The following TRIM14 variants were observed in gnomAD, a reference collection of about 807,000 sequenced individuals.
TRIM14 encodes tripartite motif-containing protein 14.
In TRIM14, 28 loss-of-function variants were observed where a neutral mutation model predicts 44.5. That is an observed-to-expected ratio of 0.63 (90% CI 0.47 to 0.86). The LOEUF (loss-of-function observed/expected upper bound fraction) is 0.86. Ranked by LOEUF, TRIM14 falls within the 40% of genes least tolerant of loss-of-function variation. TRIM14 has a pLI of 0.00. For synonymous variants in TRIM14, 299 were observed against 269.2 expected (o/e 1.11, Z -1.08); for missense variants, 607 against 611.1 (o/e 0.99, Z 0.07).
intron 2 of TRIM14, among the ~76,000 whole-genome samples, chr9:98,104,095 T>C (rs1479878270): frequency 1.3e-5 from 2 of 152,264 alleles, no homozygotes; most frequent in African/African-American, 2.4e-5. Flanking sequence ...GGCCTATGGA[T>C]AGGTTCAGAG....
chr9:98,082,735 C>A, downstream of TRIM14: 1 of 961,002 alleles, frequency 1.0e-6, no homozygotes, highest in Non-Finnish European at 1.6e-6. Flanking sequence ...AGAGTGCCTG[C>A]TCCCAAGGTA....
Position 98,119,125 on chromosome 9 carries a change from A to C in TRIM14, c.64T>G (p.Trp22Gly), listed in dbSNP as rs1827160970. ...GRSELVEGCG[W>G]RCPEHGDRVA... ...CGGTCGCCATGCTCCGGGCAGCGCC[A>C]GCCGCATCCCTCGACAAGCTCCGAC... Residue 22 changes from tryptophan to glycine, a missense_variant, in exon 1 of 6, where the codon TGG (tryptophan) becomes GGG (glycine). Physicochemically the swap from Trp to Gly is radical, Grantham distance 184. This residue lies in a region of TRIM14 where 246 missense variants were observed against 270.8 expected (regional missense o/e 0.91). Transcript: ENST00000341469. 8 of 1,587,302 alleles carry C rather than the reference A, an allele frequency of 5.0e-6. No individual in the cohort carries two copies. The highest frequency in any genetic ancestry group is 6.0e-6 in the Non-Finnish European group (7 of 1,176,102).
At chr9:98,044,945 T>A in the TRIM14 span, among the ~76,000 whole-genome samples, 1 of 151,940 alleles carries the variant, frequency 6.6e-6, no homozygotes, top group African/African-American at 2.4e-5. Flanking sequence ...AAACCCTGTC[T>A]CTATTAAAAC....
downstream of TRIM14, chr9:98,081,448 C>T (rs548509953): frequency 8.2e-5 from 17 of 207,288 alleles, no homozygotes; most frequent in African/African-American, 3.2e-4. Context: ...CAGGTAAGCC[C>T]TGAGAAACAT....
At chr9:98,067,625 C>T (rs953817842), downstream of TRIM14, among the ~76,000 whole-genome samples, 1 of 152,032 alleles carries the variant, frequency 6.6e-6, no homozygotes, top group African/African-American at 2.4e-5. Context: ...TCATGTATAG[C>T]CTTCCAATGA....
chr9:98,101,372 G>A lies in TRIM14; in HGVS notation c.304-1208C>T, dbSNP rs1024106083. Among the ~76,000 whole-genome samples the A allele has an allele frequency of 2.0e-5, 3 of 152,130 alleles. No homozygotes were observed. In the East Asian group the frequency reaches 5.8e-4, roughly 29 times the overall value. The stretch of plus-strand genomic sequence containing the variant: ...AGTAGGGCATTTATATAAACTGTGG[G>A]TGGTAGGGTCTATTGGTACTTCGCT... On this transcript the variant is annotated intron_variant, in intron 2 of 5. Coordinates refer to ENST00000341469, the MANE Select transcript of TRIM14 (RefSeq NM_014788.4).
chr9:98,045,059 G>A, the TRIM14 span, among the ~76,000 whole-genome samples: 4 of 152,234 alleles, frequency 2.6e-5, no homozygotes, highest in South Asian at 8.3e-4. Context: ...GTTGCAGTGA[G>A]CCAAGATTGC....
chr9:98,117,005 T>A (rs1033366063), intron 1 of TRIM14, among the ~76,000 whole-genome samples: 1 of 152,184 alleles, frequency 6.6e-6, no homozygotes, highest in African/African-American at 2.4e-5. Context: ...AGAAAAATTA[T>A]GTTTCAGAAG....
chr9:98,104,900 C>T (rs1398336334), intron 2 of TRIM14, among the ~76,000 whole-genome samples: 1 of 152,166 alleles, frequency 6.6e-6, no homozygotes, highest in African/African-American at 2.4e-5. Flanking sequence ...AACCCTCCCA[C>T]GGATGCCTCT....
rs1323341993 is a variant in TRIM14, at chr9:98,095,986, T to C, written c.538-957A>G. Among the ~76,000 whole-genome samples the C allele has an allele frequency of 1.3e-5, 2 of 152,218 alleles. No homozygotes were observed. The highest frequency in any genetic ancestry group is 3.8e-4 in the East Asian group (2 of 5,200). ...CCTTTCTTGCTTAAAACAGTTCCAG[T>C]GGATTCTCATGTTTGCAGGTAAGAA... On this transcript the variant is annotated intron_variant, in intron 3 of 5. Transcript: ENST00000341469. The surrounding 1 kb of genome is among the most constrained non-coding windows in gnomAD (Gnocchi z 4.1).
chr9:98,091,721 T>A (rs570490478), intron 5 of TRIM14, among the ~76,000 whole-genome samples, 188 bp downstream of exon 5: 1 of 152,308 alleles, frequency 6.6e-6, no homozygotes, highest in African/African-American at 2.4e-5. Context: ...CTAATTTTTC[T>A]ACAATGAACA....
chr9:98,079,574 C>G (rs1829755781), downstream of TRIM14, among the ~76,000 whole-genome samples: 1 of 152,158 alleles, frequency 6.6e-6, no homozygotes, highest in South Asian at 2.1e-4. Context: ...TTATCTAAAT[C>G]ACGTTATTTT....
At chr9:98,101,250 C>T (rs1826378678) in intron 2 of TRIM14, among the ~76,000 whole-genome samples, 1 of 152,036 alleles carries the variant, frequency 6.6e-6, no homozygotes, top group African/African-American at 2.4e-5. Flanking sequence ...GCTGAGATTA[C>T]AGGCATGAGA....
the TRIM14 span, among the ~76,000 whole-genome samples, chr9:98,050,067 G>A: frequency 2.6e-5 from 4 of 152,164 alleles, no homozygotes; most frequent in Admixed American, 6.5e-5. Flanking sequence ...AGAAGCAACT[G>A]GATTGCTTAC....
At chr9:98,075,666 T>C (rs1179365003) in intron 6 of TRIM14, 2 of 152,176 alleles carry the variant, frequency 1.3e-5, no homozygotes, top group East Asian at 1.9e-4. Flanking sequence ...TTCAGAGACA[T>C]TGATTTTTTC....
chr9:98,063,895 G>T, the TRIM14 span, among the ~76,000 whole-genome samples: 828 of 152,216 alleles, frequency 5.4e-3, 7 homozygotes, highest in African/African-American at 0.019. Context: ...TCTCTGTTTG[G>T]GGTTGTTTCC....
chr9:98,113,113 C>CAAAAAA (rs57908629), intron 1 of TRIM14, among the ~76,000 whole-genome samples: 12 of 39,184 alleles, frequency 3.1e-4, no homozygotes, highest in African/African-American at 4.4e-4. Context: ...AACTCCATCT[C>CAAAAAA]AAAAAAAAAA....
the TRIM14 span, among the ~76,000 whole-genome samples, chr9:98,056,465 C>T: frequency 1.3e-5 from 2 of 149,472 alleles, no homozygotes; most frequent in African/African-American, 2.6e-5. Context: ...AGCCGTCCGC[C>T]TCCTGCAGGG....
intron 4 of TRIM14, among the ~76,000 whole-genome samples, chr9:98,094,102 CTG>C (rs1452723349): frequency 6.6e-6 from 1 of 152,186 alleles, no homozygotes; most frequent in East Asian, 1.9e-4. Flanking sequence ...TGTGTACGGT[CTG>C]TCTTCCCCTA....
Sources: gnomAD v4.1 joint callset for allele counts (sites outside exome capture counted in the v4.1 genomes callset) on GRCh38, gnomAD v4.1.1 for gene constraint, gnomAD v4.1.1 regional missense constraint, Gnocchi (gnomAD v3.1) non-coding constraint, MANE v1.5 for transcripts, NCBI Gene and HGNC (gene_info 2026-07-23, HGNC 2026-07-21) for gene names.